ARHGAP39: variants seen among roughly 807,000 people sequenced by gnomAD.
ARHGAP39 encodes the protein Rho GTPase activating protein 39, also known as rho GTPase-activating protein 39.
ARHGAP39 carries 44 observed loss-of-function variants against 106.9 expected under a neutral mutation model. The observed-to-expected ratio is 0.41, with a 90% CI of 0.32 to 0.53. ARHGAP39 has a LOEUF of 0.53. Among genes scored for constraint, ARHGAP39 ranks in the 20% least tolerant of loss-of-function variants. The pLI is 0.21. For missense variants in ARHGAP39, 1,496 were observed against 1,577.3 expected (o/e 0.95, Z 0.87); for synonymous variants, 768 against 693.2 (o/e 1.11, Z -1.69).
Position 144,601,970 on chromosome 8 carries a change from C to T in ARHGAP39, c.80+3565G>A, listed in dbSNP as rs370032099. ...GAGCTCGTGTACCTGTGTTCATGTG[C>T]GTGGAGGTGCGTGTGCGAGCTCATG... On this transcript the variant is annotated intron_variant, in intron 2 of 11. Transcript: ENST00000377307. Among the ~76,000 whole-genome samples the T allele has an allele frequency of 1.1e-3, 128 of 120,762 alleles. 1 individual carries two copies. The highest frequency in any genetic ancestry group is 3.7e-3 in the African/African-American group (112 of 30,496). 79.2% of individuals were successfully genotyped at this position (120,762 alleles called of 152,430 possible).
At chr8:144,640,618 A>C (rs919033290) in intron 1 of ARHGAP39, among the ~76,000 whole-genome samples, 1 of 152,208 alleles carries the variant, frequency 6.6e-6, no homozygotes, top group African/African-American at 2.4e-5. Context: ...AAACAGACTA[A>C]TACAGCACAC....
chr8:144,538,052 G>A (rs778241669), intron 6 of ARHGAP39, among the ~76,000 whole-genome samples: 1 of 152,224 alleles, frequency 6.6e-6, no homozygotes, highest in Non-Finnish European at 1.5e-5. Context: ...CGTGAGTGGA[G>A]GTGCAGGGAA....
Position 144,542,203 on chromosome 8 carries a change from T to G in ARHGAP39, c.2521+3046A>C, listed in dbSNP as rs1271856286. On this transcript the variant is annotated intron_variant, in intron 6 of 11. Coordinates refer to ENST00000377307, the MANE Select transcript of ARHGAP39 (RefSeq NM_025251.3). ...GGAGGCTACCATACCCACTGCCAGG[T>G]GCTCCTCGATGTCTGTGTCGAGAAC... Among the ~76,000 whole-genome samples the G allele has an allele frequency of 1.3e-5, 2 of 152,184 alleles. 1 individual carries two copies. Among genetic ancestry groups the G allele is most frequent in the South Asian group, 4.1e-4 (2 of 4,830 alleles).
intron 1 of ARHGAP39, among the ~76,000 whole-genome samples, chr8:144,667,705 G>A (rs1046568856): frequency 7.9e-5 from 12 of 152,174 alleles, no homozygotes; most frequent in East Asian, 1.9e-4. Context: ...TCCTGGCTCC[G>A]CCTACTAGTT....
intron 1 of ARHGAP39, among the ~76,000 whole-genome samples, chr8:144,615,983 G>C (rs574040371): frequency 5.9e-5 from 9 of 152,380 alleles, no homozygotes; most frequent in African/African-American, 2.2e-4. Context: ...GACTTGGGAG[G>C]TCAGGGCCGG....
At chr8:144,654,882 C>T (rs1218232031) in intron 1 of ARHGAP39, among the ~76,000 whole-genome samples, 2 of 151,806 alleles carry the variant, frequency 1.3e-5, no homozygotes, top group African/African-American at 2.4e-5. Flanking sequence ...ACCGCCCAAA[C>T]CATGGCTGCA....
chr8:144,688,325 A>G (rs1822676612), upstream of ARHGAP39, among the ~76,000 whole-genome samples: 1 of 152,102 alleles, frequency 6.6e-6, no homozygotes, highest in South Asian at 2.1e-4. Flanking sequence ...GGCTCCTCTC[A>G]AACTCCTGAC....
intron 1 of ARHGAP39, among the ~76,000 whole-genome samples, chr8:144,681,863 C>A (rs1448155200): frequency 1.3e-5 from 2 of 151,816 alleles, no homozygotes; most frequent in Non-Finnish European, 2.9e-5. Context: ...TGATGAGATG[C>A]GATTTTCTAA....
At chr8:144,675,357 C>A (rs570169856) in intron 1 of ARHGAP39, among the ~76,000 whole-genome samples, 2 of 152,360 alleles carry the variant, frequency 1.3e-5, no homozygotes, top group African/African-American at 4.8e-5. Context: ...TTGGTGGGTT[C>A]TTGGTCTTGC....
chr8:144,670,499 C>T lies in ARHGAP39; in HGVS notation c.-82+15187G>A, dbSNP rs111890394. 1.8e-4 allele frequency among the ~76,000 whole-genome samples: 27 copies of T among 152,272 alleles called. No homozygotes were observed. Among genetic ancestry groups the T allele is most frequent in the African/African-American group, 5.8e-4 (24 of 41,556 alleles). ...TCCTGTCAGTCTCCTTGATGTGCTC[C>T]GGACATAAAAGCCTGGGCAAGGCTT... On this transcript the variant is annotated intron_variant, in intron 1 of 11. Coordinates refer to ENST00000377307, the MANE Select transcript of ARHGAP39 (RefSeq NM_025251.3). This position sits in a 1 kb window ranked among gnomAD's most constrained non-coding sequence, Gnocchi z 4.4.
intron 2 of ARHGAP39, among the ~76,000 whole-genome samples, chr8:144,584,587 AC>A (rs1427802498): frequency 6.6e-6 from 1 of 151,828 alleles, no homozygotes; most frequent in Non-Finnish European, 1.5e-5. Context: ...ACATGGTGAA[AC>A]CCCGTCTCTA....
chr8:144,606,276 G>C (rs1563704617), intron 1 of ARHGAP39, among the ~76,000 whole-genome samples: 1 of 152,102 alleles, frequency 6.6e-6, no homozygotes, highest in Non-Finnish European at 1.5e-5. Context: ...AAAAACACGG[G>C]TCTGAGCCAG....
Position 144,585,422 on chromosome 8 carries a change from G to A in ARHGAP39, c.81-4145C>T, listed in dbSNP as rs574063659. On this transcript the variant is annotated intron_variant, in intron 2 of 11. Transcript: ENST00000377307. This position sits in a 1 kb window ranked among gnomAD's most constrained non-coding sequence, Gnocchi z 4.6. ...CGAGAACCTGGAGGGGCCAGCCAGG[G>A]GTACCCAGCACCGGCTCACCGAGAA... is the stretch of plus-strand genomic sequence containing the variant. Among the ~76,000 whole-genome samples the A allele has an allele frequency of 1.3e-5, 2 of 150,794 alleles. No individual in the cohort carries two copies. The highest frequency in any genetic ancestry group is 4.9e-5 in the African/African-American group (2 of 40,966).
Position 144,569,405 on chromosome 8 carries a change from C to T in ARHGAP39, c.512+11441G>A, listed in dbSNP as rs143188013. On this transcript the variant is annotated intron_variant, in intron 3 of 11. Coordinates refer to ENST00000377307, the MANE Select transcript of ARHGAP39 (RefSeq NM_025251.3). ...CCCAAACCTGCAAACAACCCAAATG[C>T]CCAACAGAAGGCGGTACATCCATAC... Among the ~76,000 whole-genome samples the T allele has an allele frequency of 2.0e-3, 300 of 152,276 alleles. 1 individual carries two copies. Among genetic ancestry groups the T allele is most frequent in the African/African-American group, 6.9e-3 (286 of 41,560 alleles).
Position 144,581,105 on chromosome 8 carries a change from C to G in ARHGAP39, c.253G>C (p.Ala85Pro). 1 of 1,592,286 alleles carries G rather than the reference C, an allele frequency of 6.3e-7. No homozygotes were observed. The highest frequency in any genetic ancestry group is 1.1e-5 in the South Asian group (1 of 87,922). ...TGCCACACCGTGCGCTGCGTGCTGG[C>G]ATTGTAGTAGTAGAAGCGGGACGTG... ...PNTSRFYYYN[A>P]STQRTVWHRP... Residue 85 changes from alanine (A) to proline (P), a missense_variant, in exon 3 of 12, where the codon GCC becomes CCC. This residue lies in a region of ARHGAP39 where 25 missense variants were observed against 48.0 expected (regional missense o/e 0.52). Transcript: ENST00000377307.
Position 144,530,739 on chromosome 8 carries a change from T to C in ARHGAP39, c.3113A>G (p.Asn1038Ser), listed in dbSNP as rs1275109278. The part of the protein sequence containing the change: ...VAVVHALPRI[N>S]RMVLCYLIRF... ...GATGAGGTAGCACAGCACCATGCGG[T>C]TGATGCGGGGCAGCGCGTGCACCAC... Residue 1038 changes from asparagine (N) to serine (S), a missense_variant, in exon 11 of 12, where the codon AAC becomes AGC. Asn to Ser is a conservative substitution (Grantham distance 46). Transcript: ENST00000377307. 1 of 1,609,494 alleles carries C rather than the reference T, an allele frequency of 6.2e-7. No individual in the cohort carries two copies. Among genetic ancestry groups the C allele is most frequent in the Non-Finnish European group, 8.5e-7 (1 of 1,178,454 alleles).
intron 5 of ARHGAP39, among the ~76,000 whole-genome samples, chr8:144,546,391 G>A (rs1376153884): frequency 6.6e-6 from 1 of 152,168 alleles, no homozygotes; most frequent in East Asian, 1.9e-4. Flanking sequence ...CGGACCGGAA[G>A]CTGCTCTGAG....
At chr8:144,564,565 A>T (rs1353925989) in intron 3 of ARHGAP39, among the ~76,000 whole-genome samples, 1 of 152,240 alleles carries the variant, frequency 6.6e-6, no homozygotes, top group Non-Finnish European at 1.5e-5. Context: ...CAGTTACTAA[A>T]GTTGTATTCC....
At chr8:144,632,686 C>T (rs1405537643) in intron 1 of ARHGAP39, among the ~76,000 whole-genome samples, 2 of 152,224 alleles carry the variant, frequency 1.3e-5, no homozygotes, top group Admixed American at 6.5e-5. Flanking sequence ...CCCCAGGCAG[C>T]GCTGCACATC....
Sources: gnomAD v4.1 joint callset for allele counts (sites outside exome capture counted in the v4.1 genomes callset) on GRCh38, gnomAD v4.1.1 for gene constraint, gnomAD v4.1.1 regional missense constraint, Gnocchi (gnomAD v3.1) non-coding constraint, MANE v1.5 for transcripts, NCBI Gene and HGNC (gene_info 2026-07-23, HGNC 2026-07-21) for gene names.